Variants in ATP2B4 observed in about 807,000 individuals in gnomAD.
The protein encoded by ATP2B4 is plasma membrane calcium-transporting ATPase 4.
ATP2B4 carries 39 observed loss-of-function variants against 110.3 expected under a neutral mutation model. The ratio of observed to expected loss-of-function variants is 0.35; its 90% confidence interval spans 0.27 to 0.46. The LOEUF (loss-of-function observed/expected upper bound fraction) is 0.46. Among genes scored for constraint, ATP2B4 ranks in the 20% least tolerant of loss-of-function variants. ATP2B4 has a pLI of 1.00. For synonymous variants in ATP2B4, 538 were observed against 571.7 expected, an observed-to-expected ratio of 0.94 and a Z score of 0.84; for missense variants, 1,135 against 1,530.9, an observed-to-expected ratio of 0.74 and a Z score of 4.32.
Position 203,698,216 on chromosome 1 carries a change from A to AT in ATP2B4, c.254dup (p.Lys88GlnfsTer40). 6.2e-7 allele frequency: 1 copy of AT among 1,614,122 alleles called. No individual in the cohort carries two copies. The highest frequency in any genetic ancestry group is 8.5e-7 in the Non-Finnish European group (1 of 1,180,018). Reference sequence around the variant, plus strand: ...TAGGCAGGTGTTTGGACACAACGTGATCCCCCCCAAAAAGCCCAAGACTTT... The same window carrying AT: ...TAGGCAGGTGTTTGGACACAACGTGATTCCCCCCCAAAAAGCCCAAGACTTT... On this transcript the variant is annotated frameshift_variant, in exon 3 of 21. Transcript: ENST00000357681. LOFTEE classifies it high-confidence loss of function.
rs534048511 is a variant in ATP2B4, at chr1:203,737,476, G to A, written c.3310-2070G>A. Among the ~76,000 whole-genome samples the A allele has an allele frequency of 8.5e-5, 13 of 152,246 alleles. No individual in the cohort carries two copies. The South Asian group carries it at 2.5e-3, about 29-fold the overall frequency. Reference sequence around the variant, plus strand: ...CTCTTGGCCAGTGTATCTGTGCCAGGGTCAAAGGAGAAGGCACTGGGTTTG... The same window carrying A: ...CTCTTGGCCAGTGTATCTGTGCCAGAGTCAAAGGAGAAGGCACTGGGTTTG... On this transcript the variant is annotated intron_variant, in intron 20 of 20. Transcript: ENST00000357681.
rs1389295345 is a variant in ATP2B4, at chr1:203,630,345, TTTTC to T, written c.-465+3128_-465+3131del. Among the ~76,000 whole-genome samples the T allele has an allele frequency of 5.1e-3, 302 of 58,808 alleles. 1 individual carries two copies. Among genetic ancestry groups the T allele is most frequent in the African/African-American group, 0.014 (289 of 20,190 alleles). The allele number at this position is 58,808 out of a possible 152,430, so 38.6% of individuals were successfully genotyped here. ...CTTCTCTCAAAAACTCCGAAACCCC[TTTTC>T]TCTCTCTCTCTCTCTCTCTCTTTTT... On this transcript the variant is annotated intron_variant, in intron 1 of 20. Transcript: ENST00000357681.
chr1:203,716,313 T>C (rs965511703), intron 15 of ATP2B4, among the ~76,000 whole-genome samples: 1 of 145,340 alleles, frequency 6.9e-6, no homozygotes, highest in African/African-American at 2.5e-5. Context: ...AGTCCATTCT[T>C]TCCCCACTAA....
chr1:203,691,523 G>C (rs1002644156), intron 2 of ATP2B4, among the ~76,000 whole-genome samples: 17 of 152,194 alleles, frequency 1.1e-4, no homozygotes, highest in African/African-American at 4.1e-4. Context: ...AAAAGGCCAA[G>C]AGCAGGGGGC....
intron 6 of ATP2B4, 69 bp from the exon 7 acceptor site, chr1:203,701,975 C>T: frequency 1.3e-6 from 2 of 1,571,786 alleles, no homozygotes; most frequent in Non-Finnish European, 1.7e-6. Context: ...CTGAGCAGGA[C>T]CAACAAATTG....
At chr1:203,628,587 C>T (rs924269832) in intron 1 of ATP2B4, among the ~76,000 whole-genome samples, 2 of 152,144 alleles carry the variant, frequency 1.3e-5, no homozygotes, top group Non-Finnish European at 1.5e-5. Flanking sequence ...GCGCCCCCCT[C>T]CTCTGTGTGA....
intron 1 of ATP2B4, among the ~76,000 whole-genome samples, chr1:203,658,633 T>C (rs1664238623): frequency 6.6e-6 from 1 of 152,060 alleles, no homozygotes; most frequent in Admixed American, 6.6e-5. Context: ...AGACAAGAAA[T>C]ATCAGAAATA....
Position 203,712,339 on chromosome 1 carries a change from T to C in ATP2B4, c.2211+200T>C, listed in dbSNP as rs144320779. ...TGGGCGCGGTAGCTTACTCCTGTAA[T>C]TCCAGCACTTTGGGAGGCCACGGCG... On this transcript the variant is annotated intron_variant, in intron 13 of 20. Coordinates refer to ENST00000357681, the MANE Select transcript of ATP2B4 (RefSeq NM_001684.5). Among the ~76,000 whole-genome samples, 812 of 152,316 alleles carry C rather than the reference T, an allele frequency of 5.3e-3. 8 individuals are homozygous for C. The highest frequency in any genetic ancestry group is 0.019 in the African/African-American group (771 of 41,566).
At chr1:203,737,906 A>G (rs1666911743) in intron 20 of ATP2B4, among the ~76,000 whole-genome samples, 3 of 152,152 alleles carry the variant, frequency 2.0e-5, no homozygotes, top group Admixed American at 2.0e-4. Flanking sequence ...AAACGGACCA[A>G]CAGTATTGAT....
intron 15 of ATP2B4, among the ~76,000 whole-genome samples, chr1:203,714,753 A>C (rs201182150): frequency 6.8e-6 from 1 of 147,924 alleles, no homozygotes; most frequent in African/African-American, 2.5e-5. Context: ...ATTTTTTTTT[A>C]ACAGGCACAC....
intron 1 of ATP2B4, among the ~76,000 whole-genome samples, chr1:203,660,512 G>C (rs373401501): frequency 3.3e-5 from 5 of 151,882 alleles, no homozygotes; most frequent in Admixed American, 6.6e-5. Context: ...GGTGGGGGGT[G>C]GGGGGAGGCC....
intron 15 of ATP2B4, among the ~76,000 whole-genome samples, chr1:203,719,194 C>T (rs1318946048): frequency 1.4e-5 from 2 of 138,980 alleles, no homozygotes; most frequent in African/African-American, 5.7e-5. Flanking sequence ...CTCTGCACTC[C>T]AGCCTAGATG....
chr1:203,696,236 G>T (rs534208805), intron 2 of ATP2B4, among the ~76,000 whole-genome samples: 8 of 152,140 alleles, frequency 5.3e-5, no homozygotes, highest in Non-Finnish European at 8.8e-5. Flanking sequence ...CCACTCTTGG[G>T]TTCTATTCAG....
intron 1 of ATP2B4, among the ~76,000 whole-genome samples, chr1:203,637,434 TCAA>T: frequency 2.2e-5 from 1 of 45,992 alleles, no homozygotes; most frequent in Admixed American, 2.3e-4. Context: ...AGACTCTGTC[TCAA>T]AAAAAAAAAA....
chr1:203,647,258 G>A lies in ATP2B4; in HGVS notation c.-465+20039G>A, dbSNP rs78307047. On this transcript the variant is annotated intron_variant, in intron 1 of 20. Transcript: ENST00000357681. The stretch of plus-strand genomic sequence containing the variant: ...AGTCTGGGCAACTTAGTGAGACTCC[G>A]TCACTTAAAAAAATAAAAAATAAAA... Among the ~76,000 whole-genome samples, 394 of 151,832 alleles carry A rather than the reference G, an allele frequency of 2.6e-3. 3 individuals are homozygous for A. In the East Asian group the frequency reaches 0.038, roughly 15 times the overall value.
intron 2 of ATP2B4, among the ~76,000 whole-genome samples, chr1:203,686,736 C>T (rs1409396556): frequency 1.1e-5 from 1 of 95,136 alleles, no homozygotes; most frequent in African/African-American, 4.2e-5. Flanking sequence ...TTTTGTTGCC[C>T]AAGCTGGAGT....
chr1:203,727,972 A>G (rs1666574641), intron 20 of ATP2B4, among the ~76,000 whole-genome samples: 1 of 152,188 alleles, frequency 6.6e-6, no homozygotes, highest in Admixed American at 6.5e-5. Flanking sequence ...ATGCCAACAT[A>G]CCCAGCATTC....
chr1:203,643,043 G>T (rs1263659090), intron 1 of ATP2B4, among the ~76,000 whole-genome samples: 1 of 152,140 alleles, frequency 6.6e-6, no homozygotes, highest in Non-Finnish European at 1.5e-5. Flanking sequence ...TTATAAAAGG[G>T]TCATAGCCCA....
intron 11 of ATP2B4, among the ~76,000 whole-genome samples, chr1:203,710,595 A>G (rs1184445283): frequency 1.3e-5 from 2 of 152,232 alleles, no homozygotes; most frequent in Non-Finnish European, 2.9e-5. Flanking sequence ...GAAGTTCAAA[A>G]GAGCAGGTGA....
Sources: allele counts gnomAD v4.1 joint callset (sites outside exome capture counted in the v4.1 genomes callset), GRCh38; gene constraint gnomAD v4.1.1; transcripts MANE v1.5; gene names NCBI Gene and HGNC (gene_info 2026-07-23, HGNC 2026-07-21).